The following PDE11A variants were observed in gnomAD, a reference collection of about 807,000 sequenced individuals.
PDE11A encodes the protein phosphodiesterase 11A.
In PDE11A, 100 loss-of-function variants were observed where a neutral mutation model predicts 100.5. The ratio of observed to expected loss-of-function variants is 1.00; its 90% CI spans 0.85 to 1.18. The LOEUF is 1.18. Ranked by LOEUF, PDE11A falls within the 50% of genes most tolerant of loss-of-function variation. The probability of loss-of-function intolerance (pLI) is 0.00; values close to 1 mark genes in which losing one functional copy is unlikely to be tolerated. For synonymous variants in PDE11A, 381 were observed against 420.8 expected, an observed-to-expected ratio of 0.91 and a Z score of 1.16; for missense variants, 1,141 against 1,152.6, an observed-to-expected ratio of 0.99 and a Z score of 0.15.
chr2:177,951,433 G>A (rs1287337534), intron 2 of PDE11A, among the ~76,000 whole-genome samples: 1 of 150,938 alleles, frequency 6.6e-6, no homozygotes, highest in Non-Finnish European at 1.5e-5. Context: ...GAGAAAGATA[G>A]TTTATATTTT....
chr2:177,636,674 G>A (rs1168604582), intron 19 of PDE11A, among the ~76,000 whole-genome samples: 5 of 152,042 alleles, frequency 3.3e-5, no homozygotes, highest in South Asian at 4.1e-4. Flanking sequence ...GAAACTGCAG[G>A]GTTTCTCTAC....
chr2:177,660,376 T>C (rs140119302), intron 19 of PDE11A, among the ~76,000 whole-genome samples: 492 of 152,220 alleles, frequency 3.2e-3, no homozygotes, highest in African/African-American at 0.011. Flanking sequence ...CACAATGACA[T>C]GCTGTCTTTC....
intron 6 of PDE11A, among the ~76,000 whole-genome samples, chr2:177,826,467 C>A (rs1015238897): frequency 6.6e-6 from 1 of 152,190 alleles, no homozygotes; most frequent in Non-Finnish European, 1.5e-5. Context: ...ACCAGACAAG[C>A]TGAGGGAGCC....
intron 12 of PDE11A, among the ~76,000 whole-genome samples, chr2:177,712,430 T>G (rs2081371092): frequency 6.6e-6 from 1 of 151,036 alleles, no homozygotes; most frequent in African/African-American, 2.4e-5. Flanking sequence ...ATCTTGTAAA[T>G]ACCCTAATTC....
At position 177,863,830 on chromosome 2, in the gene PDE11A, T is replaced by A. The variant is rs116609949; in HGVS notation, c.1367+12029A>T. Among the ~76,000 whole-genome samples the A allele has an allele frequency of 7.3e-3, 1,106 of 152,142 alleles. 13 individuals are homozygous for A. Among genetic ancestry groups the A allele is most frequent in the African/African-American group, 0.025 (1,030 of 41,534 alleles). On this transcript the variant is annotated intron_variant, in intron 5 of 19. Transcript: ENST00000286063. ...AACTACCCTATGACCCAGCAACCCC[T>A]CTTCTGGATACATACTTACAAGAAA...
rs59960578 is a variant in PDE11A at position 177,631,573 on chromosome 2, GTATATATATATACACACACA to G, written c.2647-2031_2647-2012del. ...CACATGTATATATATATATATACAT[GTATATATATATACACACACA>G]TATATATGTGTGTATATATATACAT... On this transcript the variant is annotated intron_variant, in intron 19 of 19. Coordinates refer to ENST00000286063, the MANE Select transcript of PDE11A (RefSeq NM_016953.4). 1.5e-3 allele frequency among the ~76,000 whole-genome samples: 29 copies of G among 19,736 alleles called. No individual in the cohort carries two copies. The East Asian group carries it at 0.073, about 50-fold the overall frequency. The allele number at this position is 19,736 out of a possible 152,430, so 12.9% of individuals were successfully genotyped here.
chr2:178,048,067 G>T (rs183925220), intron 1 of PDE11A, among the ~76,000 whole-genome samples: 92 of 152,286 alleles, frequency 6.0e-4, no homozygotes, highest in African/African-American at 2.2e-3. Flanking sequence ...GTGAGAAATG[G>T]TTACAGACAG....
chr2:177,764,930 C>A (rs1170964832), intron 10 of PDE11A, among the ~76,000 whole-genome samples: 2 of 152,180 alleles, frequency 1.3e-5, no homozygotes, highest in Non-Finnish European at 2.9e-5. Flanking sequence ...GGTGAAGCTG[C>A]AAGAAAGACT....
intron 10 of PDE11A, among the ~76,000 whole-genome samples, chr2:177,743,918 G>A (rs139933939): frequency 5.9e-5 from 9 of 152,270 alleles, no homozygotes; most frequent in Middle Eastern, 3.4e-3. Flanking sequence ...AGCCTTGACT[G>A]GGTGAGATAA....
At chr2:177,929,180 C>T (rs1255764729) in intron 2 of PDE11A, among the ~76,000 whole-genome samples, 9 of 152,166 alleles carry the variant, frequency 5.9e-5, no homozygotes, top group East Asian at 3.9e-4. Context: ...CCCTCCATTT[C>T]GGATGGCTCT....
At chr2:177,824,860 G>T (rs1377401388) in intron 6 of PDE11A, among the ~76,000 whole-genome samples, 1 of 151,732 alleles carries the variant, frequency 6.6e-6, no homozygotes, top group Non-Finnish European at 1.5e-5. Context: ...CATGCCTATG[G>T]GTATACAAAA....
intron 2 of PDE11A, among the ~76,000 whole-genome samples, chr2:178,006,735 G>T (rs2086216371): frequency 6.6e-6 from 1 of 150,450 alleles, no homozygotes; most frequent in South Asian, 2.2e-4. Flanking sequence ...AATTGAATGG[G>T]ATTAAATTAA....
chr2:177,858,948 G>C (rs1323368657), intron 5 of PDE11A, among the ~76,000 whole-genome samples: 4 of 152,052 alleles, frequency 2.6e-5, no homozygotes, highest in African/African-American at 4.8e-5. Context: ...CCTTTGTAGG[G>C]ACATGGATGA....
intron 5 of PDE11A, among the ~76,000 whole-genome samples, chr2:177,858,308 G>A (rs1443800380): frequency 6.6e-6 from 1 of 151,770 alleles, no homozygotes; most frequent in African/African-American, 2.4e-5. Context: ...GAGTGAACAG[G>A]CAACCTACAG....
chr2:177,786,334 G>T (rs1475754532), intron 9 of PDE11A, among the ~76,000 whole-genome samples: 1 of 152,132 alleles, frequency 6.6e-6, no homozygotes, highest in Non-Finnish European at 1.5e-5. Context: ...GGTCCTGTCT[G>T]TTAGAAGGAA....
chr2:177,774,667 C>A (rs1288669097), intron 9 of PDE11A, among the ~76,000 whole-genome samples: 1 of 152,226 alleles, frequency 6.6e-6, no homozygotes, highest in Admixed American at 6.5e-5. Flanking sequence ...GTGTTGATAA[C>A]TTTCAAATCT....
At chr2:178,026,934 T>A (rs1360078599) in intron 1 of PDE11A, among the ~76,000 whole-genome samples, 2 of 152,170 alleles carry the variant, frequency 1.3e-5, no homozygotes, top group Non-Finnish European at 2.9e-5. Flanking sequence ...ACTCATCTCT[T>A]AATAAATTGC....
chr2:178,026,384 G>A (rs999280481), intron 1 of PDE11A, among the ~76,000 whole-genome samples: 4 of 151,980 alleles, frequency 2.6e-5, no homozygotes, highest in Admixed American at 6.5e-5. Flanking sequence ...ATTTTTGACC[G>A]GGCGCTGTGG....
intron 10 of PDE11A, among the ~76,000 whole-genome samples, chr2:177,737,612 A>G (rs2081810477): frequency 6.7e-6 from 1 of 149,348 alleles, no homozygotes. Flanking sequence ...GCCAAGAGAG[A>G]GGGGCAGGGT....
Sources: allele counts gnomAD v4.1 joint callset (sites outside exome capture counted in the v4.1 genomes callset), GRCh38; gene constraint gnomAD v4.1.1; transcripts MANE v1.5; gene names NCBI Gene and HGNC (gene_info 2026-07-23, HGNC 2026-07-21).